The following PTPRD variants were observed in gnomAD, a reference collection of about 807,000 sequenced individuals.
The protein encoded by PTPRD is receptor-type tyrosine-protein phosphatase delta.
PTPRD carries 34 observed loss-of-function variants against 214.5 expected under a neutral mutation model. That is an observed-to-expected ratio of 0.16 (90% confidence interval 0.12 to 0.21). PTPRD has a LOEUF of 0.21. Among genes scored for constraint, PTPRD ranks in the 10% least tolerant of loss-of-function variants. The probability of loss-of-function intolerance (pLI) is 1.00; values close to 1 mark genes in which losing one functional copy is unlikely to be tolerated. For synonymous variants in PTPRD, 1,128 were observed against 845.7 expected, an observed-to-expected ratio of 1.33 and a Z score of -5.79; for missense variants, 2,545 against 2,398.7, an observed-to-expected ratio of 1.06 and a Z score of -1.27.
intron 3 of PTPRD, among the ~76,000 whole-genome samples, chr9:10,084,590 G>C (rs1246849147): frequency 6.6e-6 from 1 of 151,902 alleles, no homozygotes; most frequent in African/African-American, 2.4e-5. Flanking sequence ...TTCCTTATAA[G>C]TGTCACTAGT....
At chr9:8,456,973 A>C (rs1253336004) in intron 33 of PTPRD, among the ~76,000 whole-genome samples, 1 of 152,188 alleles carries the variant, frequency 6.6e-6, no homozygotes, top group African/African-American at 2.4e-5. Flanking sequence ...ATTCTTGGAC[A>C]GTTCTGGAAT....
chr9:8,454,926 G>C (rs1398622517), intron 33 of PTPRD, among the ~76,000 whole-genome samples: 3 of 151,988 alleles, frequency 2.0e-5, no homozygotes, highest in Non-Finnish European at 2.9e-5. Flanking sequence ...TTCGACAGTG[G>C]AGAGATAATT....
intron 36 of PTPRD, among the ~76,000 whole-genome samples, chr9:8,400,985 TTGTTC>T (rs1368204555): frequency 2.0e-5 from 3 of 152,190 alleles, no homozygotes; most frequent in African/African-American, 7.2e-5. Flanking sequence ...TCAGATTTCC[TTGTTC>T]TTCATCTTTT....
At chr9:10,245,296 G>A (rs1362574551) in intron 3 of PTPRD, among the ~76,000 whole-genome samples, 1 of 152,124 alleles carries the variant, frequency 6.6e-6, no homozygotes, top group Non-Finnish European at 1.5e-5. Flanking sequence ...TACATACAGA[G>A]TAACCTGAGG....
chr9:9,622,858 A>G (rs149713957), intron 7 of PTPRD, among the ~76,000 whole-genome samples: 411 of 152,300 alleles, frequency 2.7e-3, no homozygotes, highest in African/African-American at 9.6e-3. Context: ...TTGCCATTGC[A>G]GCTTTAAGGG....
At chr9:9,533,520 T>G (rs55829244) in intron 8 of PTPRD, among the ~76,000 whole-genome samples, 15,692 of 152,064 alleles carry the variant, frequency 0.1, 1,113 homozygotes, top group Non-Finnish European at 0.15. Context: ...TGTTTTAAAT[T>G]TTTTCTGTAA....
At chr9:8,390,340 A>T (rs10977028) in intron 36 of PTPRD, among the ~76,000 whole-genome samples, 11,738 of 152,054 alleles carry the variant, frequency 0.077, 574 homozygotes, top group Non-Finnish European at 0.1. Context: ...AACTCTAGAC[A>T]CTGGTCTGCT....
chr9:10,152,834 C>T (rs771944610), intron 3 of PTPRD, among the ~76,000 whole-genome samples: 1 of 151,988 alleles, frequency 6.6e-6, no homozygotes, highest in Non-Finnish European at 1.5e-5. Flanking sequence ...CTACCCTCCC[C>T]CAAAAAGAAG....
At chr9:9,154,306 C>A (rs890420674) in intron 10 of PTPRD, among the ~76,000 whole-genome samples, 4 of 152,112 alleles carry the variant, frequency 2.6e-5, no homozygotes, top group Non-Finnish European at 5.9e-5. Context: ...CAAAATACCA[C>A]GGAGTTGGTG....
At chr9:9,955,939 C>G (rs923215981) in intron 4 of PTPRD, among the ~76,000 whole-genome samples, 1 of 152,116 alleles carries the variant, frequency 6.6e-6, no homozygotes, top group Admixed American at 6.5e-5. Flanking sequence ...AAAGAGTTAT[C>G]AAGCCATTTT....
At chr9:9,384,000 CA>C (rs1486898016) in intron 9 of PTPRD, among the ~76,000 whole-genome samples, 2 of 151,878 alleles carry the variant, frequency 1.3e-5, no homozygotes, top group Non-Finnish European at 2.9e-5. Context: ...TGTGCACACA[CA>C]AAAAGTCTAA....
At chr9:9,573,434 G>C (rs902845723) in intron 8 of PTPRD, among the ~76,000 whole-genome samples, 4 of 150,646 alleles carry the variant, frequency 2.7e-5, no homozygotes, top group Non-Finnish European at 5.9e-5. Context: ...AAAAACTTAT[G>C]TCAGTATTGG....
At chr9:9,031,605 G>A (rs2099605655) in intron 10 of PTPRD, among the ~76,000 whole-genome samples, 1 of 151,872 alleles carries the variant, frequency 6.6e-6, no homozygotes, top group African/African-American at 2.4e-5. Flanking sequence ...TAATCTTAAG[G>A]GACCACCAAT....
chr9:10,133,851 G>T (rs2098921472), intron 3 of PTPRD, among the ~76,000 whole-genome samples: 1 of 152,054 alleles, frequency 6.6e-6, no homozygotes, highest in Non-Finnish European at 1.5e-5. Flanking sequence ...TGTGCTTAGT[G>T]CTTGTTATGT....
intron 11 of PTPRD, among the ~76,000 whole-genome samples, chr9:8,960,329 A>G (rs7851829): frequency 0.14 from 21,971 of 152,050 alleles, 1,746 homozygotes; most frequent in South Asian, 0.19. Flanking sequence ...AAATGTGTGG[A>G]GCTGCAGTGT....
At chr9:10,200,700 C>A (rs946494511) in intron 3 of PTPRD, among the ~76,000 whole-genome samples, 1 of 152,000 alleles carries the variant, frequency 6.6e-6, no homozygotes, top group African/African-American at 2.4e-5. Flanking sequence ...TAAACAGTTA[C>A]AATCATGCAG....
At chr9:8,669,330 A>G (rs2097231606) in intron 12 of PTPRD, among the ~76,000 whole-genome samples, 11 of 152,094 alleles carry the variant, frequency 7.2e-5, no homozygotes, top group Admixed American at 7.2e-4. Context: ...TATCTCCTGA[A>G]GGCTGGGGTA....
intron 2 of PTPRD, among the ~76,000 whole-genome samples, chr9:10,492,113 T>A (rs1407291172): frequency 6.6e-6 from 1 of 152,180 alleles, no homozygotes; most frequent in Non-Finnish European, 1.5e-5. Flanking sequence ...CAGTCTATCA[T>A]TGATGGGCAT....
intron 5 of PTPRD, among the ~76,000 whole-genome samples, chr9:9,924,603 C>T (rs1297264699): frequency 6.6e-6 from 1 of 152,010 alleles, no homozygotes. Context: ...CTTTCCTTTC[C>T]TTGTTTAGAA....
Sources: gnomAD v4.1 joint callset for allele counts (sites outside exome capture counted in the v4.1 genomes callset) on GRCh38, gnomAD v4.1.1 for gene constraint, MANE v1.5 for transcripts, NCBI Gene and HGNC (gene_info 2026-07-23, HGNC 2026-07-21) for gene names.